The following ADAMTSL1 variants were observed in gnomAD, a reference collection of about 807,000 sequenced individuals.
The protein encoded by ADAMTSL1 is ADAMTS like 1, also known as ADAMTS-like protein 1.
ADAMTSL1 carries 126 observed loss-of-function variants against 201.8 expected under a neutral mutation model. The ratio of observed to expected loss-of-function variants is 0.62; its 90% CI spans 0.54 to 0.72. The LOEUF (loss-of-function observed/expected upper bound fraction) is 0.72. Among genes scored for constraint, ADAMTSL1 ranks in the 30% least tolerant of loss-of-function variants. ADAMTSL1 has a pLI of 0.00. For missense variants in ADAMTSL1, 2,679 were observed against 2,277.8 expected (o/e 1.18, Z -3.59); for synonymous variants, 1,121 against 903.4 (o/e 1.24, Z -4.32).
rs530729573 is a variant in ADAMTSL1 at position 18,224,028 on chromosome 9, T to TC, written c.207+60047_207+60048insC. Among the ~76,000 whole-genome samples, 20 of 152,272 alleles carry TC rather than the reference T, an allele frequency of 1.3e-4. No individual in the cohort carries two copies. The East Asian group carries it at 3.9e-3, about 29-fold the overall frequency. On this transcript the variant is annotated intron_variant, in intron 2 of 29. Coordinates refer to the ADAMTSL1 transcript ENST00000680146. Reference sequence around the variant, plus strand: ...AGTATAAGTAAAAGCATTCTTTTTTTTTCTTCTTTTATCCTCTTTTCCAGA... The same window carrying TC: ...AGTATAAGTAAAAGCATTCTTTTTTTCTTCTTCTTTTATCCTCTTTTCCAGA...
At chr9:18,423,012 G>C (rs773286136) in intron 2 of ADAMTSL1, among the ~76,000 whole-genome samples, 8 of 152,188 alleles carry the variant, frequency 5.3e-5, no homozygotes, top group Admixed American at 1.3e-4. Flanking sequence ...CTGTGTGTAA[G>C]ACCTTTGTAT....
At chr9:18,284,587 A>T (rs1832923642) in intron 2 of ADAMTSL1, among the ~76,000 whole-genome samples, 1 of 152,204 alleles carries the variant, frequency 6.6e-6, no homozygotes, top group African/African-American at 2.4e-5. Flanking sequence ...AGGTTTTGTA[A>T]CCAGGCAGTC....
At chr9:18,425,063 AGAG>A (rs978930887) in intron 2 of ADAMTSL1, among the ~76,000 whole-genome samples, 1 of 152,166 alleles carries the variant, frequency 6.6e-6, no homozygotes, top group Non-Finnish European at 1.5e-5. Context: ...AAAGGTGCTA[AGAG>A]GAGAGATAGG....
intron 2 of ADAMTSL1, among the ~76,000 whole-genome samples, chr9:18,308,283 G>A (rs139332307): frequency 0.068 from 10,398 of 151,984 alleles, 1,156 homozygotes; most frequent in African/African-American, 0.23. Context: ...AATTAAAAGA[G>A]CTAGAGAAAC....
intron 2 of ADAMTSL1, among the ~76,000 whole-genome samples, chr9:18,416,578 A>T (rs1379775188): frequency 6.6e-6 from 1 of 152,012 alleles, no homozygotes; most frequent in Admixed American, 6.5e-5. Context: ...AGGATAGAAA[A>T]AGATATACCA....
intron 1 of ADAMTSL1, among the ~76,000 whole-genome samples, chr9:18,005,936 A>G (rs1435783249): frequency 6.6e-5 from 10 of 152,010 alleles, no homozygotes; most frequent in Admixed American, 4.6e-4. Context: ...TACCAGTCAT[A>G]AAATCTATCT....
chr9:18,249,278 A>G (rs887761012), intron 2 of ADAMTSL1, among the ~76,000 whole-genome samples: 8 of 152,234 alleles, frequency 5.3e-5, no homozygotes, highest in African/African-American at 1.9e-4. Context: ...TGCACATTCT[A>G]GACGTGTCAA....
intron 1 of ADAMTSL1, among the ~76,000 whole-genome samples, chr9:18,499,835 T>C (rs1477144029): frequency 6.6e-6 from 1 of 152,232 alleles, no homozygotes; most frequent in Non-Finnish European, 1.5e-5. Flanking sequence ...TCAGCTGTTA[T>C]ATGACTTCAA....
intron 2 of ADAMTSL1, among the ~76,000 whole-genome samples, chr9:18,258,031 A>G (rs1399087805): frequency 1.3e-5 from 2 of 152,202 alleles, no homozygotes; most frequent in African/African-American, 4.8e-5. Context: ...AGTTTTTGGA[A>G]ATAGATCTTG....
At chr9:18,396,638 T>G (rs1258091144) in intron 2 of ADAMTSL1, among the ~76,000 whole-genome samples, 4 of 151,282 alleles carry the variant, frequency 2.6e-5, no homozygotes, top group African/African-American at 4.8e-5. Context: ...AATAATGTCC[T>G]GTGCAAATAG....
intron 2 of ADAMTSL1, among the ~76,000 whole-genome samples, chr9:18,288,038 A>T (rs933241292): frequency 1.3e-4 from 20 of 152,108 alleles, no homozygotes; most frequent in African/African-American, 4.3e-4. Context: ...GAAAGAACTG[A>T]GCCTGAGCGG....
intron 23 of ADAMTSL1, among the ~76,000 whole-genome samples, chr9:18,884,863 A>C: frequency 6.6e-6 from 1 of 152,050 alleles, no homozygotes; most frequent in East Asian, 1.9e-4. Context: ...AAGGTTGTTT[A>C]GTTATTCTGG....
At chr9:18,463,702 G>A (rs1314910500) in intron 2 of ADAMTSL1, among the ~76,000 whole-genome samples, 1 of 152,144 alleles carries the variant, frequency 6.6e-6, no homozygotes, top group African/African-American at 2.4e-5. Flanking sequence ...TTAAGGTTGA[G>A]TAATATCCCA....
chr9:18,179,699 G>A (rs1004002419), intron 2 of ADAMTSL1, among the ~76,000 whole-genome samples: 4 of 152,172 alleles, frequency 2.6e-5, no homozygotes, highest in African/African-American at 9.7e-5. Flanking sequence ...CTACAAGCCA[G>A]AAGAGAGTGG....
At chr9:18,193,089 T>G (rs1426675468) in intron 2 of ADAMTSL1, among the ~76,000 whole-genome samples, 2 of 152,216 alleles carry the variant, frequency 1.3e-5, no homozygotes, top group Admixed American at 1.3e-4. Context: ...TTTTCCAGGT[T>G]TTTTTGGTTG....
At chr9:18,760,160 T>G (rs1819991637) in intron 16 of ADAMTSL1, among the ~76,000 whole-genome samples, 1 of 152,208 alleles carries the variant, frequency 6.6e-6, no homozygotes, top group South Asian at 2.1e-4. Flanking sequence ...CCATCTGTCC[T>G]GCTTTCTACC....
At chr9:18,790,734 T>C (rs2133820014) in intron 19 of ADAMTSL1, among the ~76,000 whole-genome samples, 1 of 152,254 alleles carries the variant, frequency 6.6e-6, no homozygotes, top group East Asian at 1.9e-4. Context: ...AGCTTACAAA[T>C]AAAGGCCCCC....
At chr9:17,918,787 A>G (rs916203502) in intron 1 of ADAMTSL1, among the ~76,000 whole-genome samples, 4 of 151,882 alleles carry the variant, frequency 2.6e-5, no homozygotes, top group Admixed American at 1.3e-4. Flanking sequence ...ACATCTCTAT[A>G]TTACCACTGT....
At chr9:18,039,850 T>C (rs1453382672) in intron 1 of ADAMTSL1, among the ~76,000 whole-genome samples, 1 of 152,184 alleles carries the variant, frequency 6.6e-6, no homozygotes, top group Non-Finnish European at 1.5e-5. Flanking sequence ...GAAGGTTAAT[T>C]CTGAGGACAT....
Sources: allele counts gnomAD v4.1 joint callset (sites outside exome capture counted in the v4.1 genomes callset), GRCh38; gene constraint gnomAD v4.1.1; transcripts MANE v1.5; gene names NCBI Gene and HGNC (gene_info 2026-07-23, HGNC 2026-07-21).